The following RASGRF1 variants were observed in gnomAD, a reference collection of about 807,000 sequenced individuals.
The protein encoded by RASGRF1 is ras-specific guanine nucleotide-releasing factor 1.
A neutral mutation model predicts 138.7 loss-of-function variants in RASGRF1; 40 were observed. The observed-to-expected ratio is 0.29, with a 90% CI of 0.22 to 0.38. RASGRF1 has a LOEUF of 0.38. RASGRF1 is among the 10% of genes least tolerant of loss of function. The probability of loss-of-function intolerance (pLI) is 1.00; values close to 1 mark genes in which losing one functional copy is unlikely to be tolerated. For missense variants in RASGRF1, 1,108 were observed against 1,650.4 expected (o/e 0.67, Z 5.69); for synonymous variants, 614 against 663.2 (o/e 0.93, Z 1.14).
intron 1 of RASGRF1, among the ~76,000 whole-genome samples, chr15:79,072,923 A>G (rs1367280196): frequency 6.6e-6 from 1 of 152,218 alleles, no homozygotes; most frequent in African/African-American, 2.4e-5. Context: ...CACGAGCCTC[A>G]GTGTGACCAC....
chr15:78,977,918 G>A (rs890977571), intron 24 of RASGRF1, among the ~76,000 whole-genome samples: 1 of 152,226 alleles, frequency 6.6e-6, no homozygotes, highest in African/African-American at 2.4e-5. Context: ...CTTGTTGCCT[G>A]GAGCTGGGGG....
rs111347303 is a variant in RASGRF1 at position 79,003,666 on chromosome 15, G to A, written c.2449+136C>T. The A allele has an allele frequency of 6.7e-6, 9 of 1,351,696 alleles. No individual in the cohort carries two copies. The African/African-American group carries it at 1.3e-4, about 20-fold the overall frequency. 83.7% of individuals were successfully genotyped at this position (1,351,696 alleles called of 1,614,324 possible). The stretch of plus-strand genomic sequence containing the variant: ...AGACTCTGTGCTGCCTCCACTATCT[G>A]CCTGGTGGGACCCCCAAGCCTCTCC... On this transcript the variant is annotated intron_variant, in intron 15 of 26. Coordinates refer to ENST00000558480, the MANE Select transcript of RASGRF1 (RefSeq NM_001145648.3).
At chr15:78,978,371 T>C in intron 24 of RASGRF1, 2 of 321,236 alleles carry the variant, frequency 6.2e-6, no homozygotes, top group Non-Finnish European at 9.0e-6. Flanking sequence ...ATTATAGGCA[T>C]GTGCCACCAC....
At chr15:79,047,482 G>T (rs1282926672) in intron 4 of RASGRF1, among the ~76,000 whole-genome samples, 1 of 152,216 alleles carries the variant, frequency 6.6e-6, no homozygotes, top group Non-Finnish European at 1.5e-5. Flanking sequence ...CTAATGACTT[G>T]CCTGAGAGCC....
intron 13 of RASGRF1, among the ~76,000 whole-genome samples, chr15:79,014,886 C>T (rs2056852563): frequency 6.7e-6 from 1 of 149,996 alleles, no homozygotes; most frequent in Non-Finnish European, 1.5e-5. Context: ...CACTGTACTC[C>T]AGCCTGGGTG....
rs1268562607 is a variant in RASGRF1 at position 79,073,012 on chromosome 15, G to A, written c.277-8486C>T. ...TGGATCCCGGTTGGATTCCTCTGCGGAACAGCAGCATTGTTCTGGAGTCAG... is the reference window on the plus strand; with the variant it reads ...TGGATCCCGGTTGGATTCCTCTGCGAAACAGCAGCATTGTTCTGGAGTCAG... On this transcript the variant is annotated intron_variant, in intron 1 of 26. Coordinates refer to ENST00000558480, the MANE Select transcript of RASGRF1 (RefSeq NM_001145648.3). The surrounding 1 kb of genome is among the most constrained non-coding windows in gnomAD (Gnocchi z 4.2). 6.6e-6 allele frequency among the ~76,000 whole-genome samples: 1 copy of A among 152,188 alleles called. No individual in the cohort carries two copies. Among genetic ancestry groups the A allele is most frequent in the Non-Finnish European group, 1.5e-5 (1 of 68,042 alleles).
intron 1 of RASGRF1, among the ~76,000 whole-genome samples, chr15:79,082,060 T>C (rs915315284): frequency 2.6e-5 from 4 of 152,134 alleles, no homozygotes; most frequent in African/African-American, 7.2e-5. Context: ...GAAACCACCA[T>C]AAAACCTCTC....
intron 20 of RASGRF1, among the ~76,000 whole-genome samples, chr15:78,994,503 T>A (rs149501397): frequency 3.4e-4 from 52 of 152,300 alleles, no homozygotes; most frequent in African/African-American, 1.2e-3. Flanking sequence ...AATCTCTGCC[T>A]CTGGTGGGGA....
chr15:78,971,648 T>C (rs1381179271), intron 26 of RASGRF1, among the ~76,000 whole-genome samples: 1 of 152,172 alleles, frequency 6.6e-6, no homozygotes, highest in Non-Finnish European at 1.5e-5. Flanking sequence ...TAAACCATCC[T>C]ATGGCAGGTA....
In RASGRF1 at chr15:79,007,222, T is replaced by C. The variant is rs56196062; in HGVS notation, c.1827-788A>G. ...ATGGGGTGAACTTGCAGGGGTCTTG[T>C]TTCAGCTGCTTGTGAACTTGAGGTC... On this transcript the variant is annotated intron_variant, in intron 13 of 26. Transcript: ENST00000558480. Among the ~76,000 whole-genome samples, 403 of 152,306 alleles carry C rather than the reference T, an allele frequency of 2.6e-3. 1 individual carries two copies. The highest frequency in any genetic ancestry group is 9.0e-3 in the African/African-American group (375 of 41,572).
chr15:78,985,838 T>C (rs1354636490), intron 22 of RASGRF1: 4 of 136,798 alleles, frequency 2.9e-5, no homozygotes, highest in African/African-American at 1.1e-4. Flanking sequence ...GGCAGGAAAA[T>C]CACTTGAACC....
intron 5 of RASGRF1, among the ~76,000 whole-genome samples, chr15:79,045,419 G>A (rs1010349384): frequency 1.3e-5 from 2 of 152,084 alleles, no homozygotes; most frequent in African/African-American, 4.8e-5. Flanking sequence ...TCTCTTTTTT[G>A]TTGTTGTTTT....
At chr15:79,061,481 G>A (rs375834631) in intron 2 of RASGRF1, among the ~76,000 whole-genome samples, 38 of 140,710 alleles carry the variant, frequency 2.7e-4, no homozygotes, top group African/African-American at 1.0e-3. Flanking sequence ...AGAAAGCGTA[G>A]GTCTTAAGTG....
intron 13 of RASGRF1, among the ~76,000 whole-genome samples, chr15:79,008,629 G>C (rs770753523): frequency 9.9e-5 from 15 of 152,112 alleles, no homozygotes; most frequent in Non-Finnish European, 1.3e-4. Context: ...ATGGCAGATC[G>C]GACACTCAGA....
rs199927939 is a variant in RASGRF1 at position 79,076,117 on chromosome 15, C to T, written c.277-11591G>A. On this transcript the variant is annotated intron_variant, in intron 1 of 26. Coordinates refer to ENST00000558480, the MANE Select transcript of RASGRF1 (RefSeq NM_001145648.3). The stretch of plus-strand genomic sequence containing the variant: ...CAAGCTGCTGGGGGCTCCCAGATAG[C>T]GCCCCATCCTGTGCCATCAAGGCCA... Among the ~76,000 whole-genome samples the T allele has an allele frequency of 2.8e-4, 42 of 152,320 alleles. 1 individual carries two copies. In the East Asian group the frequency reaches 6.2e-3, roughly 22 times the overall value.
Position 79,050,092 on chromosome 15 carries a change from T to A in RASGRF1, c.532-504A>T, listed in dbSNP as rs751273710. 2.6e-5 allele frequency among the ~76,000 whole-genome samples: 4 copies of A among 152,246 alleles called. No individual in the cohort carries two copies. Among genetic ancestry groups the A allele is most frequent in the Non-Finnish European group, 5.9e-5 (4 of 68,052 alleles). ...TTGTTGTGCAACCATCACCACCATTTACCTCCAGAACTCTTCATTTTGTAA... is the reference window on the plus strand; with the variant it reads ...TTGTTGTGCAACCATCACCACCATTAACCTCCAGAACTCTTCATTTTGTAA... On this transcript the variant is annotated intron_variant, in intron 3 of 26. Coordinates refer to ENST00000558480, the MANE Select transcript of RASGRF1 (RefSeq NM_001145648.3). The surrounding 1 kb of genome is among the most constrained non-coding windows in gnomAD (Gnocchi z 4.1).
chr15:79,048,806 T>G (rs1387060511), intron 4 of RASGRF1, among the ~76,000 whole-genome samples: 1 of 152,236 alleles, frequency 6.6e-6, no homozygotes, highest in African/African-American at 2.4e-5. Flanking sequence ...GGTCCTTTCA[T>G]GCACTCAACA....
Position 78,973,268 on chromosome 15 carries a change from GC to G in RASGRF1, c.3612+34del. Reference sequence around the variant, plus strand: ...CAGGTTGAGTCATCTGGGCTTCAACGCCCCCCTTCCCCTGCCTGGCTGGGGG... The same window carrying G: ...CAGGTTGAGTCATCTGGGCTTCAACGCCCCCTTCCCCTGCCTGGCTGGGGG... On this transcript the variant is annotated intron_variant, in intron 25 of 26. Transcript: ENST00000558480. The surrounding 1 kb of genome is among the most constrained non-coding windows in gnomAD (Gnocchi z 4.9). 1 of 1,513,758 alleles carries G rather than the reference GC, an allele frequency of 6.6e-7. No individual in the cohort carries two copies. The highest frequency in any genetic ancestry group is 9.1e-7 in the Non-Finnish European group (1 of 1,100,908). 93.8% of individuals were successfully genotyped at this position (1,513,758 alleles called of 1,614,324 possible).
chr15:79,047,403 A>G (rs2057369775), intron 4 of RASGRF1, among the ~76,000 whole-genome samples: 1 of 152,204 alleles, frequency 6.6e-6, no homozygotes, highest in South Asian at 2.1e-4. Flanking sequence ...CTATGTCTCC[A>G]TAATGGGAGG....
Sources: allele counts gnomAD v4.1 joint callset (sites outside exome capture counted in the v4.1 genomes callset), GRCh38; gene constraint gnomAD v4.1.1; non-coding constraint Gnocchi (gnomAD v3.1); transcripts MANE v1.5; gene names NCBI Gene and HGNC (gene_info 2026-07-23, HGNC 2026-07-21).